SLC8A1: variants seen among roughly 807,000 people sequenced by gnomAD.
SLC8A1 encodes the protein solute carrier family 8 member A1, also known as sodium/calcium exchanger 1.
A neutral mutation model predicts 68.3 loss-of-function variants in SLC8A1; 18 were observed. The observed-to-expected ratio is 0.26, with a 90% CI of 0.18 to 0.39. The LOEUF (loss-of-function observed/expected upper bound fraction) is 0.39, where lower values mean the gene tolerates loss of function less well. Among genes scored for constraint, SLC8A1 ranks in the 10% least tolerant of loss-of-function variants. SLC8A1 has a pLI of 1.00. For missense variants in SLC8A1, 985 were observed against 1,156.7 expected (o/e 0.85, Z 2.15); for synonymous variants, 475 against 415.5 (o/e 1.14, Z -1.74).
chr2:40,494,623 C>T (rs1344629373), intron 1 of SLC8A1, among the ~76,000 whole-genome samples: 1 of 126,432 alleles, frequency 7.9e-6, no homozygotes, highest in African/African-American at 3.2e-5. Context: ...GTACATGTAC[C>T]CTAGAACTTA....
chr2:40,386,727 G>GAAC (rs1683678449), intron 2 of SLC8A1, among the ~76,000 whole-genome samples: 2 of 150,786 alleles, frequency 1.3e-5, no homozygotes, highest in South Asian at 4.2e-4. Flanking sequence ...TACGGAAACA[G>GAAC]AACCCATGAT....
At chr2:40,141,733 G>C (rs1299581899) in intron 6 of SLC8A1, among the ~76,000 whole-genome samples, 1 of 152,184 alleles carries the variant, frequency 6.6e-6, no homozygotes, top group African/African-American at 2.4e-5. Flanking sequence ...CATCACCTCA[G>C]AGTGTGACCT....
intron 2 of SLC8A1, among the ~76,000 whole-genome samples, chr2:40,181,324 G>C (rs1367370901): frequency 6.6e-6 from 1 of 152,140 alleles, no homozygotes; most frequent in Non-Finnish European, 1.5e-5. Flanking sequence ...CACACAATTT[G>C]TTTGCATATA....
At chr2:40,344,298 T>G (rs1006950754) in intron 2 of SLC8A1, among the ~76,000 whole-genome samples, 1 of 152,158 alleles carries the variant, frequency 6.6e-6, no homozygotes, top group Admixed American at 6.6e-5. Flanking sequence ...TGCCTGGGAT[T>G]TTTTTGCATG....
rs139616221 is a variant in SLC8A1 at position 40,489,197 on chromosome 2, G to A, written c.-25+23152C>T. On this transcript the variant is annotated intron_variant, in intron 1 of 7. Coordinates refer to the SLC8A1 transcript ENST00000402441. ...AGAAACCTGCCTAAGGTGACACATC[G>A]CTAGCAATTTATAAGAGAAACATAA... is the stretch of plus-strand genomic sequence containing the variant. Among the ~76,000 whole-genome samples the A allele has an allele frequency of 1.5e-3, 223 of 152,142 alleles. 1 individual carries two copies. Among genetic ancestry groups the A allele is most frequent in the African/African-American group, 5.3e-3 (219 of 41,516 alleles).
At chr2:40,306,700 C>A (rs1559171589) in intron 2 of SLC8A1, among the ~76,000 whole-genome samples, 1 of 152,120 alleles carries the variant, frequency 6.6e-6, no homozygotes, top group Non-Finnish European at 1.5e-5. Context: ...AACACAGTTT[C>A]TTAATTAAGC....
intron 1 of SLC8A1, among the ~76,000 whole-genome samples, chr2:40,504,117 A>G (rs775770301): frequency 3.3e-5 from 5 of 152,070 alleles, no homozygotes; most frequent in Non-Finnish European, 5.9e-5. Flanking sequence ...ACATAGACCA[A>G]TGGAACAGAA....
At chr2:40,427,273 G>A (rs1233477533) in intron 2 of SLC8A1, among the ~76,000 whole-genome samples, 1 of 151,662 alleles carries the variant, frequency 6.6e-6, no homozygotes, top group African/African-American at 2.4e-5. Flanking sequence ...CCCCCTTTTT[G>A]GTTTGTTTTC....
At chr2:40,122,511 A>G (rs116337994) in intron 7 of SLC8A1, among the ~76,000 whole-genome samples, 2,098 of 152,320 alleles carry the variant, frequency 0.014, 54 homozygotes, top group African/African-American at 0.048. Context: ...TGGCAGGATC[A>G]GGGCACCTGC....
intron 1 of SLC8A1, among the ~76,000 whole-genome samples, chr2:40,510,931 G>T (rs767673783): frequency 2.3e-4 from 35 of 151,934 alleles, no homozygotes; most frequent in Non-Finnish European, 4.4e-4. Flanking sequence ...TGGTGTAATG[G>T]GACATTCAGA....
intron 2 of SLC8A1, among the ~76,000 whole-genome samples, chr2:40,259,732 T>C (rs773494529): frequency 9.2e-5 from 14 of 152,344 alleles, no homozygotes; most frequent in Admixed American, 7.8e-4. Context: ...ATAGCAAATC[T>C]TTATTTTCCT....
At chr2:40,412,093 G>T (rs948261151) in intron 2 of SLC8A1, among the ~76,000 whole-genome samples, 1 of 151,972 alleles carries the variant, frequency 6.6e-6, no homozygotes. Context: ...ATTTGACCTG[G>T]GTCTTGAACC....
In SLC8A1 at chr2:40,445,911, C is replaced by T. The variant is rs553343469; in HGVS notation, c.-25+5993G>A. ...GCCACCCACAGTTGGGTCTCTAACA[C>T]GGCCCCCAGAGGAAGTTAAAGCTTG... On this transcript the variant is annotated intron_variant, in intron 1 of 7. Coordinates refer to ENST00000406785, the Ensembl canonical transcript of SLC8A1. Among the ~76,000 whole-genome samples, 144 of 152,292 alleles carry T rather than the reference C, an allele frequency of 9.5e-4. 1 individual carries two copies. The highest frequency in any genetic ancestry group is 3.2e-3 in the African/African-American group (134 of 41,556).
intron 2 of SLC8A1, among the ~76,000 whole-genome samples, chr2:40,200,222 T>TATATATATATAAATATATA (rs1558722368): frequency 1.9e-4 from 1 of 5,176 alleles, no homozygotes; most frequent in Non-Finnish European, 5.1e-4. Context: ...ATATATATTT[T>TATATATATATAAATATATA]TTTATATATA....
intron 2 of SLC8A1, among the ~76,000 whole-genome samples, chr2:40,282,887 G>A (rs571734234): frequency 6.6e-6 from 1 of 152,252 alleles, no homozygotes; most frequent in East Asian, 1.9e-4. Flanking sequence ...AGTGAATCTT[G>A]AAGACCCTGG....
intron 7 of SLC8A1, among the ~76,000 whole-genome samples, chr2:40,131,892 G>T (rs1213673632): frequency 2.3e-5 from 3 of 129,544 alleles, no homozygotes; most frequent in African/African-American, 8.5e-5. Context: ...TTTGCCAGCT[G>T]GGTCAGAACT....
intron 2 of SLC8A1, among the ~76,000 whole-genome samples, chr2:40,301,783 G>A (rs10185276): frequency 0.082 from 12,545 of 152,080 alleles, 750 homozygotes; most frequent in African/African-American, 0.17. Context: ...AAAACAGGTG[G>A]TACTTGGTTT....
At chr2:40,417,276 C>A (rs1694161511) in intron 2 of SLC8A1, among the ~76,000 whole-genome samples, 1 of 151,938 alleles carries the variant, frequency 6.6e-6, no homozygotes, top group Non-Finnish European at 1.5e-5. Flanking sequence ...AGGTAATATG[C>A]ATAGTACCAA....
At chr2:40,146,356 A>G (rs116772794) in intron 6 of SLC8A1, among the ~76,000 whole-genome samples, 47 of 152,216 alleles carry the variant, frequency 3.1e-4, no homozygotes, top group African/African-American at 1.1e-3. Flanking sequence ...GGAACTCATA[A>G]TCTCACAATC....
Sources: gnomAD v4.1 joint callset for allele counts (sites outside exome capture counted in the v4.1 genomes callset) on GRCh38, gnomAD v4.1.1 for gene constraint, MANE v1.5 for transcripts, NCBI Gene and HGNC (gene_info 2026-07-23, HGNC 2026-07-21) for gene names.